Variants in PLXDC2 observed in about 807,000 individuals in gnomAD.
PLXDC2 encodes the protein plexin domain containing 2.
A neutral mutation model predicts 68.9 loss-of-function variants in PLXDC2; 40 were observed. The observed-to-expected ratio is 0.58, with a 90% confidence interval of 0.45 to 0.76. The LOEUF is 0.76. Among genes scored for constraint, PLXDC2 ranks in the 30% least tolerant of loss-of-function variants. The probability of loss-of-function intolerance (pLI) is 0.00; values close to 1 mark genes in which losing one functional copy is unlikely to be tolerated. For missense variants in PLXDC2, 644 were observed against 661.9 expected, an observed-to-expected ratio of 0.97 and a Z score of 0.30; for synonymous variants, 243 against 234.2, an observed-to-expected ratio of 1.04 and a Z score of -0.34.
chr10:20,012,937 T>G (rs1835144077), intron 2 of PLXDC2, among the ~76,000 whole-genome samples: 2 of 152,232 alleles, frequency 1.3e-5, no homozygotes, highest in South Asian at 2.1e-4. Flanking sequence ...TTCTATATGT[T>G]ATTTCAAGCT....
chr10:19,872,849 A>C (rs557088221), intron 1 of PLXDC2, among the ~76,000 whole-genome samples: 1 of 152,182 alleles, frequency 6.6e-6, no homozygotes, highest in East Asian at 1.9e-4. Flanking sequence ...CATTTGTTGC[A>C]CCCTGGGACA....
intron 4 of PLXDC2, among the ~76,000 whole-genome samples, chr10:20,094,983 T>C (rs917078924): frequency 2.3e-4 from 35 of 152,300 alleles, no homozygotes; most frequent in African/African-American, 7.7e-4. Flanking sequence ...CTTCTAGAAC[T>C]GCACAATTAG....
Position 19,816,959 on chromosome 10 carries a change from A to G in PLXDC2, c.-121A>G. On this transcript the variant is annotated 5_prime_UTR_variant, in exon 1 of 14. Transcript: ENST00000377252. Reference sequence around the variant, plus strand: ...TGTGAAATCGCAGCGACATTTACAAAGGCCTCCGGGTCCTACCGAGACCGA... The same window carrying G: ...TGTGAAATCGCAGCGACATTTACAAGGGCCTCCGGGTCCTACCGAGACCGA... The G allele has an allele frequency of 1.5e-6, 1 of 665,042 alleles. No individual in the cohort carries two copies. The highest frequency in any genetic ancestry group is 2.6e-6 in the Non-Finnish European group (1 of 391,140). The allele number at this position is 665,042 out of a possible 1,614,324, so 41.2% of individuals were successfully genotyped here.
chr10:20,169,738 A>G (rs551119472), intron 7 of PLXDC2, among the ~76,000 whole-genome samples: 2 of 152,324 alleles, frequency 1.3e-5, no homozygotes, highest in East Asian at 3.9e-4. Flanking sequence ...TTTGGAACAG[A>G]TAAGGCCATG....
chr10:20,119,618 T>A (rs560617708), intron 4 of PLXDC2, among the ~76,000 whole-genome samples: 45 of 151,384 alleles, frequency 3.0e-4, no homozygotes, highest in African/African-American at 1.1e-3. Flanking sequence ...TGTCTTCTTA[T>A]ATTAATAAGA....
intron 1 of PLXDC2, among the ~76,000 whole-genome samples, chr10:19,872,807 G>A (rs1343699968): frequency 1.3e-5 from 2 of 151,992 alleles, no homozygotes; most frequent in South Asian, 2.1e-4. Context: ...TGTTCCCTGG[G>A]ACAAGTCAAC....
At chr10:19,933,368 G>T (rs1833671441) in intron 1 of PLXDC2, among the ~76,000 whole-genome samples, 1 of 152,146 alleles carries the variant, frequency 6.6e-6, no homozygotes, top group South Asian at 2.1e-4. Flanking sequence ...ACACATGGTG[G>T]CTCATGCCTG....
chr10:20,265,492 ATATT>A (rs1419427174), intron 13 of PLXDC2, among the ~76,000 whole-genome samples: 1 of 152,198 alleles, frequency 6.6e-6, no homozygotes, highest in Non-Finnish European at 1.5e-5. Flanking sequence ...TACTCCATCT[ATATT>A]TATTAAACAG....
intron 12 of PLXDC2, among the ~76,000 whole-genome samples, chr10:20,224,494 C>G (rs1388516518): frequency 1.3e-5 from 2 of 152,146 alleles, no homozygotes; most frequent in African/African-American, 2.4e-5. Context: ...TAGGTTGCTT[C>G]CAAGTGGCAT....
chr10:20,039,187 T>A (rs1328631699), intron 2 of PLXDC2, among the ~76,000 whole-genome samples: 1 of 152,190 alleles, frequency 6.6e-6, no homozygotes. Flanking sequence ...TATGTGAGAA[T>A]GTAGCTGTGT....
chr10:20,285,332 T>G lies in PLXDC2; in HGVS notation c.*5513T>G, dbSNP rs1359200101. 6.6e-6 allele frequency: 1 copy of G among 152,172 alleles called. No individual in the cohort carries two copies. The highest frequency in any genetic ancestry group is 2.4e-5 in the African/African-American group (1 of 41,442). The allele number at this position is 152,172 out of a possible 1,614,324, so 9.4% of individuals were successfully genotyped here. A position where few individuals can be genotyped will look rare whatever the true frequency, so the allele number is the denominator to read the frequency against. ...ACTGAAATATTTATTGAACACCTAC[T>G]GGAACCAAGTGACTGTGCTAGTAAC... On this transcript the variant is annotated 3_prime_UTR_variant, in exon 14 of 14. Transcript: ENST00000377252.
intron 6 of PLXDC2, among the ~76,000 whole-genome samples, chr10:20,152,154 T>C (rs560502290): frequency 1.3e-5 from 2 of 152,208 alleles, no homozygotes; most frequent in Non-Finnish European, 1.5e-5. Context: ...AATAGCATAA[T>C]TTTTTTGCAG....
intron 1 of PLXDC2, among the ~76,000 whole-genome samples, chr10:19,854,861 A>C (rs1837185157): frequency 6.6e-6 from 1 of 152,242 alleles, no homozygotes; most frequent in Admixed American, 6.5e-5. Context: ...CCTGGCCACC[A>C]TTTTTATAAC....
At chr10:20,038,482 A>T (rs970793804) in intron 2 of PLXDC2, among the ~76,000 whole-genome samples, 9 of 152,144 alleles carry the variant, frequency 5.9e-5, no homozygotes, top group African/African-American at 2.2e-4. Flanking sequence ...AATTCTTCTG[A>T]CACTCTAACA....
At chr10:20,039,157 C>T (rs1423940025) in intron 2 of PLXDC2, among the ~76,000 whole-genome samples, 1 of 152,160 alleles carries the variant, frequency 6.6e-6, no homozygotes, top group African/African-American at 2.4e-5. Context: ...CCCTTGGTTC[C>T]TTCCTGATCT....
chr10:20,263,460 A>C (rs1334792030), intron 13 of PLXDC2, among the ~76,000 whole-genome samples: 1 of 152,186 alleles, frequency 6.6e-6, no homozygotes, highest in Non-Finnish European at 1.5e-5. Context: ...AAGGTTTTAC[A>C]ACAAAGACAC....
intron 4 of PLXDC2, among the ~76,000 whole-genome samples, chr10:20,099,135 G>A (rs746886431): frequency 1.3e-5 from 2 of 151,992 alleles, no homozygotes; most frequent in East Asian, 1.9e-4. Flanking sequence ...TATGTTTAAC[G>A]CACTGCTGAG....
chr10:19,948,914 G>T (rs559022736), intron 1 of PLXDC2, among the ~76,000 whole-genome samples: 2 of 151,812 alleles, frequency 1.3e-5, no homozygotes, highest in Non-Finnish European at 2.9e-5. Context: ...GGCAAATCAC[G>T]AGGTCAAGCG....
In PLXDC2 at chr10:20,158,076, A is replaced by AT. The variant is rs1231123442; in HGVS notation, c.784-6392_784-6391insT. On this transcript the variant is annotated intron_variant, in intron 6 of 13. Coordinates refer to ENST00000377252, the MANE Select transcript of PLXDC2 (RefSeq NM_032812.9). ...AAAGCTACATTGTTTAAAAAAAAAA[A>AT]CTTCTGTAGTTTAGAGTTTTTATTA... 3.3e-5 allele frequency among the ~76,000 whole-genome samples: 5 copies of AT among 152,076 alleles called. No individual in the cohort carries two copies. The East Asian group carries it at 7.7e-4, about 24-fold the overall frequency.
Sources: allele counts gnomAD v4.1 joint callset (sites outside exome capture counted in the v4.1 genomes callset), GRCh38; gene constraint gnomAD v4.1.1; transcripts MANE v1.5; gene names NCBI Gene and HGNC (gene_info 2026-07-23, HGNC 2026-07-21).